DCAF6: variants seen among roughly 807,000 people sequenced by gnomAD.
DCAF6 encodes DDB1- and CUL4-associated factor 6.
A neutral mutation model predicts 125.1 loss-of-function variants in DCAF6; 54 were observed. That is an observed-to-expected ratio of 0.43 (90% CI 0.35 to 0.54). The LOEUF (loss-of-function observed/expected upper bound fraction) is 0.54. Ranked by LOEUF, DCAF6 falls within the 20% of genes least tolerant of loss-of-function variation. DCAF6 has a pLI of 0.01. For synonymous variants in DCAF6, 371 were observed against 390.4 expected, an observed-to-expected ratio of 0.95 and a Z score of 0.58; for missense variants, 934 against 1,161.7, an observed-to-expected ratio of 0.80 and a Z score of 2.85.
At position 167,993,087 on chromosome 1, in the gene DCAF6, C is replaced by A. The variant is rs535545584; in HGVS notation, c.689-139C>A. The A allele has an allele frequency of 7.0e-5, 53 of 757,030 alleles. No homozygotes were observed. The South Asian group carries it at 1.1e-3, about 15-fold the overall frequency. 46.9% of individuals were successfully genotyped at this position (757,030 alleles called of 1,614,324 possible). ...ACAAAATCTGACTGCAGAGGAAGAACCTCTACTGGAAATAAACGTGATGGC... is the reference window on the plus strand; with the variant it reads ...ACAAAATCTGACTGCAGAGGAAGAAACTCTACTGGAAATAAACGTGATGGC... On this transcript the variant is annotated intron_variant, in intron 6 of 21. Coordinates refer to ENST00000367840, the MANE Select transcript of DCAF6 (RefSeq NM_001198956.2).
rs150186106 is a variant in DCAF6 at position 167,977,307 on chromosome 1, C to G, written c.438+2292C>G. ...ATTCTTTCCTTTCTTCCTTTTCTTT[C>G]CTTTGTGAAAAATGTCTTTTTTTTT... On this transcript the variant is annotated intron_variant, in intron 4 of 21. Coordinates refer to ENST00000367840, the MANE Select transcript of DCAF6 (RefSeq NM_001198956.2). Among the ~76,000 whole-genome samples the G allele has an allele frequency of 2.1e-4, 31 of 147,934 alleles. No homozygotes were observed. In the East Asian group the frequency reaches 6.0e-3, roughly 29 times the overall value.
intron 4 of DCAF6, among the ~76,000 whole-genome samples, chr1:167,979,622 C>T (rs192842612): frequency 6.6e-6 from 1 of 152,330 alleles, no homozygotes; most frequent in Non-Finnish European, 1.5e-5. Context: ...TGCTGTGGCT[C>T]ATGCCTGTGA....
intron 5 of DCAF6, among the ~76,000 whole-genome samples, chr1:167,988,233 T>TCA (rs1252966070): frequency 1.3e-5 from 2 of 152,170 alleles, no homozygotes; most frequent in East Asian, 3.8e-4. Context: ...CAATCCTAGC[T>TCA]CACTGCAGCC....
At chr1:168,046,440 A>G (rs1689160112) in intron 16 of DCAF6, among the ~76,000 whole-genome samples, 1 of 152,148 alleles carries the variant, frequency 6.6e-6, no homozygotes, top group Non-Finnish European at 1.5e-5. Context: ...GCTCAGGGGA[A>G]CTGCCTTTTC....
chr1:167,946,660 G>C (rs891450102), intron 1 of DCAF6, among the ~76,000 whole-genome samples: 2 of 152,120 alleles, frequency 1.3e-5, no homozygotes, highest in Non-Finnish European at 2.9e-5. Flanking sequence ...CTGTTGATAT[G>C]ATGTATCACA....
intron 12 of DCAF6, among the ~76,000 whole-genome samples, chr1:168,031,179 A>T (rs1687035535): frequency 6.6e-6 from 1 of 152,008 alleles, no homozygotes; most frequent in Non-Finnish European, 1.5e-5. Flanking sequence ...TTTAACTAGG[A>T]TGAAAGTAGA....
intron 12 of DCAF6, chr1:168,023,795 G>A (rs543872472): frequency 4.6e-5 from 7 of 152,276 alleles, no homozygotes; most frequent in African/African-American, 9.6e-5. Context: ...TAGTGTTAGC[G>A]CAAATGTTTT....
chr1:167,991,693 G>A (rs1344118293), intron 6 of DCAF6, among the ~76,000 whole-genome samples: 2 of 152,130 alleles, frequency 1.3e-5, no homozygotes, highest in South Asian at 2.1e-4. Context: ...AGCTCTGTTC[G>A]ATGCCTTCTC....
intron 17 of DCAF6, chr1:168,056,026 G>A (rs1279436492): frequency 5.0e-6 from 8 of 1,596,866 alleles, no homozygotes; most frequent in South Asian, 1.1e-5. Context: ...TTGTTTACAA[G>A]TCCTGGATTT....
At chr1:167,960,453 C>T (rs547046083) in intron 2 of DCAF6, among the ~76,000 whole-genome samples, 2 of 152,052 alleles carry the variant, frequency 1.3e-5, no homozygotes, top group Non-Finnish European at 2.9e-5. Flanking sequence ...CACGCGCCAC[C>T]ATTCCCAGCT....
chr1:168,033,082 T>C (rs1481164978), intron 12 of DCAF6, among the ~76,000 whole-genome samples: 1 of 152,182 alleles, frequency 6.6e-6, no homozygotes, highest in African/African-American at 2.4e-5. Flanking sequence ...CTCATGATTA[T>C]AATTTCGTAG....
At chr1:167,939,368 C>G (rs971122170) in intron 1 of DCAF6, among the ~76,000 whole-genome samples, 16 of 143,520 alleles carry the variant, frequency 1.1e-4, no homozygotes, top group African/African-American at 4.8e-4. Context: ...ACATATCCAT[C>G]ATGTCACATA....
chr1:168,006,292 T>A (rs1019721568), intron 10 of DCAF6, among the ~76,000 whole-genome samples: 1 of 152,142 alleles, frequency 6.6e-6, no homozygotes, highest in Non-Finnish European at 1.5e-5. Context: ...AGAAAAAATA[T>A]CTTTGGTGGT....
At chr1:168,005,484 A>AT (rs1409934016) in intron 10 of DCAF6, among the ~76,000 whole-genome samples, 1 of 152,124 alleles carries the variant, frequency 6.6e-6, no homozygotes, top group Non-Finnish European at 1.5e-5. Context: ...CAGCAGATGT[A>AT]TCTACAGTTT....
chr1:167,975,247 G>A (rs1022258409), intron 4 of DCAF6, among the ~76,000 whole-genome samples: 1 of 152,084 alleles, frequency 6.6e-6, no homozygotes, highest in African/African-American at 2.4e-5. Context: ...CTCTAAGATG[G>A]GTTTGTAATT....
At chr1:167,934,280 C>G (rs1670996499), upstream of DCAF6, among the ~76,000 whole-genome samples, 1 of 152,152 alleles carries the variant, frequency 6.6e-6, no homozygotes, top group Non-Finnish European at 1.5e-5. Context: ...TAAAATTACT[C>G]TTACTCTGTC....
the DCAF6 span, among the ~76,000 whole-genome samples, chr1:167,884,734 G>C: frequency 1.6e-5 from 2 of 126,302 alleles, no homozygotes; most frequent in Non-Finnish European, 3.1e-5. Context: ...GTCTCGCTCT[G>C]TTGCTCAGGC....
At chr1:167,890,907 A>G in the DCAF6 span, among the ~76,000 whole-genome samples, 5 of 152,198 alleles carry the variant, frequency 3.3e-5, no homozygotes, top group African/African-American at 9.7e-5. Context: ...TAAGGACACA[A>G]TAAACTAGAA....
chr1:168,026,400 C>G (rs1686347874), intron 12 of DCAF6, among the ~76,000 whole-genome samples: 1 of 151,998 alleles, frequency 6.6e-6, no homozygotes, highest in Non-Finnish European at 1.5e-5. Flanking sequence ...TTGGAAAGAT[C>G]ATTTTGGCAA....
Sources: gnomAD v4.1 joint callset for allele counts (sites outside exome capture counted in the v4.1 genomes callset) on GRCh38, gnomAD v4.1.1 for gene constraint, MANE v1.5 for transcripts, NCBI Gene and HGNC (gene_info 2026-07-23, HGNC 2026-07-21) for gene names.